SCFD2: variants seen among roughly 807,000 people sequenced by gnomAD.
The protein encoded by SCFD2 is sec1 family domain-containing protein 2.
SCFD2 carries 54 observed loss-of-function variants against 58.9 expected under a neutral mutation model. The ratio of observed to expected loss-of-function variants is 0.92; its 90% CI spans 0.74 to 1.15. The LOEUF (loss-of-function observed/expected upper bound fraction) is 1.15. Among genes scored for constraint, SCFD2 ranks in the 50% most tolerant of loss-of-function variants. SCFD2 has a pLI of 0.00. For synonymous variants in SCFD2, 321 were observed against 335.9 expected, an observed-to-expected ratio of 0.96 and a Z score of 0.49; for missense variants, 805 against 836.6, an observed-to-expected ratio of 0.96 and a Z score of 0.47.
At chr4:53,111,043 G>A (rs1214588523) in intron 5 of SCFD2, among the ~76,000 whole-genome samples, 1 of 152,128 alleles carries the variant, frequency 6.6e-6, no homozygotes, top group Middle Eastern at 3.2e-3. Context: ...GCAGGGTCAA[G>A]GATGAAGCTG....
intron 2 of SCFD2, among the ~76,000 whole-genome samples, chr4:53,341,821 G>T (rs1439350410): frequency 6.6e-6 from 1 of 152,182 alleles, no homozygotes; most frequent in African/African-American, 2.4e-5. Context: ...TTAAAGAAAA[G>T]AATTTTCAAC....
At chr4:53,207,357 T>A (rs1190529232) in intron 4 of SCFD2, among the ~76,000 whole-genome samples, 1 of 147,894 alleles carries the variant, frequency 6.8e-6, no homozygotes, top group Non-Finnish European at 1.5e-5. Context: ...AATTTTTTTT[T>A]AAATAGTGCT....
At chr4:52,932,164 C>T (rs1720012855) in intron 5 of SCFD2, among the ~76,000 whole-genome samples, 1 of 152,208 alleles carries the variant, frequency 6.6e-6, no homozygotes, top group African/African-American at 2.4e-5. Context: ...TAACGTTATA[C>T]TTTATTTTAG....
At chr4:53,284,666 A>G (rs1731609938) in intron 3 of SCFD2, among the ~76,000 whole-genome samples, 2 of 152,204 alleles carry the variant, frequency 1.3e-5, no homozygotes, top group African/African-American at 2.4e-5. Context: ...TCTTACCTCA[A>G]TGGGGTTTAA....
chr4:52,989,369 T>C (rs1265155304), intron 5 of SCFD2, among the ~76,000 whole-genome samples: 1 of 152,222 alleles, frequency 6.6e-6, no homozygotes, highest in African/African-American at 2.4e-5. Flanking sequence ...ATGATGGAAA[T>C]AGTCTTATTA....
At chr4:53,305,647 T>C (rs1206093382) in intron 3 of SCFD2, among the ~76,000 whole-genome samples, 1 of 152,218 alleles carries the variant, frequency 6.6e-6, no homozygotes, top group Non-Finnish European at 1.5e-5. Context: ...GGTTTATTAT[T>C]ATCTCAATAT....
At chr4:53,214,047 G>A (rs1160233285) in intron 4 of SCFD2, among the ~76,000 whole-genome samples, 1 of 152,038 alleles carries the variant, frequency 6.6e-6, no homozygotes, top group African/African-American at 2.4e-5. Context: ...TCTTAATCCA[G>A]TCTATCATTC....
chr4:53,055,115 G>A (rs973414471), intron 5 of SCFD2, among the ~76,000 whole-genome samples: 2 of 152,164 alleles, frequency 1.3e-5, no homozygotes, highest in Non-Finnish European at 2.9e-5. Context: ...TTTACTGGGT[G>A]CTTCCTATCT....
chr4:52,898,561 T>C (rs1429551667), intron 7 of SCFD2, among the ~76,000 whole-genome samples: 1 of 152,172 alleles, frequency 6.6e-6, no homozygotes, highest in African/African-American at 2.4e-5. Context: ...CTGAGGAGTG[T>C]TCTACTTCCA....
At chr4:53,300,336 T>C (rs1732232097) in intron 3 of SCFD2, among the ~76,000 whole-genome samples, 1 of 151,720 alleles carries the variant, frequency 6.6e-6, no homozygotes, top group South Asian at 2.1e-4. Flanking sequence ...CCAACAAAGA[T>C]CAAAAGAGAC....
chr4:53,232,989 T>C (rs1386694620), intron 4 of SCFD2, among the ~76,000 whole-genome samples: 1 of 152,174 alleles, frequency 6.6e-6, no homozygotes, highest in Non-Finnish European at 1.5e-5. Context: ...CCCACTAATG[T>C]TAAGCTAACC....
At chr4:53,190,180 C>A (rs1727850641) in intron 4 of SCFD2, among the ~76,000 whole-genome samples, 1 of 150,768 alleles carries the variant, frequency 6.6e-6, no homozygotes. Flanking sequence ...GCACAAAATA[C>A]TTTAATAATG....
At chr4:53,249,790 C>T (rs1203630491) in intron 4 of SCFD2, among the ~76,000 whole-genome samples, 13 of 152,232 alleles carry the variant, frequency 8.5e-5, no homozygotes, top group Admixed American at 7.2e-4. Flanking sequence ...TAAAAGAGCT[C>T]CTGAAGGAAG....
intron 5 of SCFD2, among the ~76,000 whole-genome samples, chr4:53,095,093 C>T (rs1022566054): frequency 7.9e-5 from 12 of 152,096 alleles, no homozygotes; most frequent in Non-Finnish European, 1.5e-4. Context: ...CTCTATTGAA[C>T]GTTACTTCTT....
intron 5 of SCFD2, among the ~76,000 whole-genome samples, chr4:52,951,174 C>A (rs1406915268): frequency 2.0e-5 from 3 of 152,130 alleles, no homozygotes; most frequent in Non-Finnish European, 4.4e-5. Context: ...TTCATTAATT[C>A]TCTCCCTCCC....
At chr4:53,181,111 T>A (rs189309035) in intron 4 of SCFD2, among the ~76,000 whole-genome samples, 1 of 152,114 alleles carries the variant, frequency 6.6e-6, no homozygotes, top group Non-Finnish European at 1.5e-5. Context: ...CTGAAATCAA[T>A]AGAAAATCAA....
chr4:52,908,473 T>A (rs563407831), intron 6 of SCFD2, among the ~76,000 whole-genome samples: 2 of 152,144 alleles, frequency 1.3e-5, no homozygotes, highest in East Asian at 3.9e-4. Flanking sequence ...GGAAGGAATA[T>A]CTTCCCTCAA....
intron 5 of SCFD2, among the ~76,000 whole-genome samples, chr4:52,993,055 ATTC>A (rs1474201178): frequency 2.0e-5 from 3 of 152,016 alleles, no homozygotes; most frequent in Non-Finnish European, 4.4e-5. Flanking sequence ...ACTAAGAAAA[ATTC>A]TTCTGCCTTG....
At chr4:52,917,748 CT>C (rs1317742122) in intron 6 of SCFD2, among the ~76,000 whole-genome samples, 1 of 152,186 alleles carries the variant, frequency 6.6e-6, no homozygotes, top group Non-Finnish European at 1.5e-5. Context: ...CCTCTGACCC[CT>C]CTAGAGATTT....
Sources: allele counts gnomAD v4.1 joint callset (sites outside exome capture counted in the v4.1 genomes callset), GRCh38; gene constraint gnomAD v4.1.1; transcripts MANE v1.5; gene names NCBI Gene and HGNC (gene_info 2026-07-23, HGNC 2026-07-21).